Variants in POLR1D observed in about 807,000 individuals in gnomAD.
POLR1D encodes RNA polymerase I and III subunit D, also known as DNA-directed RNA polymerases I and III subunit RPAC2.
In POLR1D, 8 loss-of-function variants were observed where a neutral mutation model predicts 10.8. That is an observed-to-expected ratio of 0.74 (90% CI 0.43 to 1.33). The LOEUF (loss-of-function observed/expected upper bound fraction) is 1.33, where lower values mean the gene tolerates loss of function less well. Ranked by LOEUF, POLR1D falls within the 40% of genes most tolerant of loss-of-function variation. POLR1D has a pLI of 0.01. For missense variants in POLR1D, 152 were observed against 161.7 expected (o/e 0.94, Z 0.32); for synonymous variants, 54 against 57.2 (o/e 0.94, Z 0.25).
In POLR1D at chr13:27,636,918, G is replaced by C. The variant is rs1443246008; in HGVS notation, c.27-11461G>C. ...AATATGTACGGCTACTTAAAGTATAGTTTTAATTCAGGGACAAGAAAAGAT... is the reference window on the plus strand; with the variant it reads ...AATATGTACGGCTACTTAAAGTATACTTTTAATTCAGGGACAAGAAAAGAT... On this transcript the variant is annotated intron_variant, in intron 1 of 2. Coordinates refer to the POLR1D transcript ENST00000399697. Among the ~76,000 whole-genome samples the C allele has an allele frequency of 2.0e-5, 3 of 151,860 alleles. No individual in the cohort carries two copies. In the East Asian group the frequency reaches 5.8e-4, roughly 30 times the overall value.
intron 1 of POLR1D, among the ~76,000 whole-genome samples, chr13:27,644,754 A>G (rs1353932473): frequency 6.7e-6 from 1 of 150,322 alleles, no homozygotes; most frequent in Admixed American, 6.6e-5. Flanking sequence ...GTATATACTT[A>G]GTTCTTATAT....
rs1454717951 is a variant in POLR1D at position 27,621,938 on chromosome 13, C to G, written c.-46C>G. 1 of 1,571,638 alleles carries G rather than the reference C, an allele frequency of 6.4e-7. No individual in the cohort carries two copies. Among genetic ancestry groups the G allele is most frequent in the East Asian group, 2.3e-5 (1 of 43,358 alleles). On this transcript the variant is annotated 5_prime_UTR_variant, in exon 1 of 2. Coordinates refer to ENST00000302979, the MANE Select transcript of POLR1D (RefSeq NM_015972.4). Reference sequence around the variant, plus strand: ...CGCGCCTCGCGCTATGGGACAGAGCCCCCGATCCGCCAGCACCACCTGAGG... The same window carrying G: ...CGCGCCTCGCGCTATGGGACAGAGCGCCCGATCCGCCAGCACCACCTGAGG...
chr13:27,629,715 A>G (rs1956054696), intron 1 of POLR1D, among the ~76,000 whole-genome samples: 1 of 152,166 alleles, frequency 6.6e-6, no homozygotes, highest in Non-Finnish European at 1.5e-5. Context: ...CCTCTTTTTA[A>G]AAAGAAATTA....
At chr13:27,652,000 C>A (rs779523736) in intron 2 of POLR1D, among the ~76,000 whole-genome samples, 1 of 152,166 alleles carries the variant, frequency 6.6e-6, no homozygotes, top group Non-Finnish European at 1.5e-5. Context: ...GGTGCCTCTA[C>A]TATTGTGAGT....
intron 1 of POLR1D, among the ~76,000 whole-genome samples, chr13:27,628,820 C>T (rs1414357128): frequency 6.6e-6 from 1 of 151,996 alleles, no homozygotes; most frequent in Non-Finnish European, 1.5e-5. Flanking sequence ...TTTAATTGAA[C>T]TTTTTTATTC....
chr13:27,633,753 G>A (rs898654652), intron 1 of POLR1D, among the ~76,000 whole-genome samples: 1 of 152,178 alleles, frequency 6.6e-6, no homozygotes, highest in Non-Finnish European at 1.5e-5. Context: ...TCAAGTGAAG[G>A]ATCACCCAAC....
At chr13:27,666,889 C>T (rs1956423625) in exon 3 of POLR1D, 1 of 152,184 alleles carries the variant, frequency 6.6e-6, no homozygotes, top group Non-Finnish European at 1.5e-5. Flanking sequence ...CTCCCCAGTT[C>T]ACAAAAGGAA....
At chr13:27,665,593 C>G in intron 2 of POLR1D, 2 of 1,131,384 alleles carry the variant, frequency 1.8e-6, no homozygotes, top group Non-Finnish European at 2.7e-6. Flanking sequence ...TCTGTGGGAG[C>G]AGGATTCTTT....
intron 1 of POLR1D, 66 bp downstream of exon 1, chr13:27,622,075 C>A (rs566596016): frequency 4.3e-6 from 6 of 1,411,230 alleles, no homozygotes; most frequent in East Asian, 2.4e-5. Context: ...CCGAGGGGCA[C>A]GCTGCCTGGC....
At chr13:27,654,989 G>C (rs1015545704) in intron 2 of POLR1D, among the ~76,000 whole-genome samples, 3 of 152,108 alleles carry the variant, frequency 2.0e-5, no homozygotes, top group East Asian at 1.9e-4. Flanking sequence ...GGACTCTCAG[G>C]GTTCACGGGT....
downstream of POLR1D, among the ~76,000 whole-genome samples, chr13:27,626,304 T>C (rs143115103): frequency 9.9e-5 from 15 of 152,258 alleles, no homozygotes; most frequent in East Asian, 2.7e-3. Flanking sequence ...TGAAGTACAG[T>C]GGGAAACACA....
At chr13:27,629,337 A>G (rs1478032529) in intron 1 of POLR1D, among the ~76,000 whole-genome samples, 2 of 152,220 alleles carry the variant, frequency 1.3e-5, no homozygotes, top group African/African-American at 2.4e-5. Context: ...TTCTTCTGCA[A>G]ATTGGGATAA....
chr13:27,634,960 A>T (rs936345263), intron 1 of POLR1D, among the ~76,000 whole-genome samples: 3 of 152,142 alleles, frequency 2.0e-5, no homozygotes, highest in Admixed American at 2.0e-4. Flanking sequence ...GTCATGAGCC[A>T]CTATGCCTGG....
At chr13:27,642,168 C>A (rs1461918788) in intron 1 of POLR1D, among the ~76,000 whole-genome samples, 7 of 152,156 alleles carry the variant, frequency 4.6e-5, no homozygotes, top group Non-Finnish European at 1.0e-4. Context: ...AAACAAAGGC[C>A]ATTTATCTCT....
intron 2 of POLR1D, chr13:27,650,354 T>C: frequency 3.4e-6 from 1 of 298,358 alleles, no homozygotes; most frequent in Non-Finnish European, 6.2e-6. Flanking sequence ...TTTATTGAGG[T>C]TTCATTACAT....
intron 2 of POLR1D, among the ~76,000 whole-genome samples, chr13:27,652,859 T>TC (rs1330453767): frequency 2.1e-5 from 2 of 93,314 alleles, no homozygotes; most frequent in Admixed American, 2.6e-4. Flanking sequence ...ACAGTGAGAC[T>TC]CCATCTCAAA....
At chr13:27,667,290 A>G (rs1369737234) in exon 3 of POLR1D, 2 of 152,172 alleles carry the variant, frequency 1.3e-5, no homozygotes, top group Non-Finnish European at 1.5e-5. Flanking sequence ...CTAGTTATGT[A>G]TTGGCCTAAA....
chr13:27,621,904 C>T lies in POLR1D; in HGVS notation c.-80C>T. The T allele has an allele frequency of 4.1e-6, 6 of 1,467,686 alleles. No homozygotes were observed. The highest frequency in any genetic ancestry group is 1.2e-5 in the South Asian group (1 of 82,816). 90.9% of individuals were successfully genotyped at this position (1,467,686 alleles called of 1,614,324 possible). Reference sequence around the variant, plus strand: ...TCCGTCGGTCGGTCCTTGCTTCCTGCTTCGCCTCCGCGCCTCGCGCTATGG... The same window carrying T: ...TCCGTCGGTCGGTCCTTGCTTCCTGTTTCGCCTCCGCGCCTCGCGCTATGG... On this transcript the variant is annotated 5_prime_UTR_variant, in exon 1 of 2. Coordinates refer to ENST00000302979, the MANE Select transcript of POLR1D (RefSeq NM_015972.4).
At chr13:27,656,835 G>A (rs1413529844) in intron 2 of POLR1D, among the ~76,000 whole-genome samples, 1 of 152,070 alleles carries the variant, frequency 6.6e-6, no homozygotes, top group Non-Finnish European at 1.5e-5. Flanking sequence ...AAAAAGGGAA[G>A]CAGTCCAAAT....
Sources: allele counts gnomAD v4.1 joint callset (sites outside exome capture counted in the v4.1 genomes callset), GRCh38; gene constraint gnomAD v4.1.1; transcripts MANE v1.5; gene names NCBI Gene and HGNC (gene_info 2026-07-23, HGNC 2026-07-21).